CAVIN1: variants seen among roughly 807,000 people sequenced by gnomAD.
CAVIN1 encodes caveolae associated protein 1, also known as caveolae-associated protein 1.
A neutral mutation model predicts 24.0 loss-of-function variants in CAVIN1; 16 were observed. The ratio of observed to expected loss-of-function variants is 0.67; its 90% CI spans 0.45 to 1.01. The LOEUF (loss-of-function observed/expected upper bound fraction) is 1.01, where lower values mean the gene tolerates loss of function less well. Among genes scored for constraint, CAVIN1 ranks in the 50% least tolerant of loss-of-function variants. The pLI is 0.00. For synonymous variants in CAVIN1, 256 were observed against 256.4 expected, an observed-to-expected ratio of 1.00 and a Z score of 0.02; for missense variants, 510 against 551.7, an observed-to-expected ratio of 0.92 and a Z score of 0.76.
rs2085569338 is a variant in CAVIN1 at position 42,423,202 on chromosome 17, G to C, written c.-105C>G. The C allele has an allele frequency of 2.1e-6, 2 of 954,638 alleles. No individual in the cohort carries two copies. The highest frequency in any genetic ancestry group is 5.3e-5 in the East Asian group (2 of 37,968). 59.1% of individuals were successfully genotyped at this position (954,638 alleles called of 1,614,324 possible). A position where few individuals can be genotyped will look rare whatever the true frequency, so the allele number is the denominator to read the frequency against. On this transcript the variant is annotated 5_prime_UTR_variant, in exon 1 of 2. Coordinates refer to ENST00000357037, the MANE Select transcript of CAVIN1 (RefSeq NM_012232.6). Reference sequence around the variant, plus strand: ...GGAGGAGAGCTAGCGGGCGAGAGCGGAGAGCAGAGGAAACTCGAGCCACGT... The same window carrying C: ...GGAGGAGAGCTAGCGGGCGAGAGCGCAGAGCAGAGGAAACTCGAGCCACGT...
chr17:42,407,397 C>A (rs1639465889), intron 1 of CAVIN1, among the ~76,000 whole-genome samples: 1 of 152,120 alleles, frequency 6.6e-6, no homozygotes, highest in African/African-American at 2.4e-5. Flanking sequence ...CACACACACA[C>A]ACCCCTATAC....
At position 42,404,654 on chromosome 17, in the gene CAVIN1, G is replaced by T; in HGVS notation, c.*33C>A. 1.5e-6 allele frequency: 2 copies of T among 1,340,196 alleles called. No homozygotes were observed. Among genetic ancestry groups the T allele is most frequent in the Non-Finnish European group, 2.0e-6 (2 of 1,023,826 alleles). The allele number at this position is 1,340,196 out of a possible 1,614,324, so 83.0% of individuals were successfully genotyped here. A position where few individuals can be genotyped will look rare whatever the true frequency, so the allele number is the denominator to read the frequency against. On this transcript the variant is annotated 3_prime_UTR_variant, in exon 2 of 2. Transcript: ENST00000357037. ...ATGCGAAAGAGGAAGTTCGGAAGGA[G>T]CGAGGAATGGGGTGGGTGGCAGCGG...
chr17:42,413,565 GGAAAAAAA>G (rs1567779235), intron 1 of CAVIN1, among the ~76,000 whole-genome samples: 4 of 62,606 alleles, frequency 6.4e-5, no homozygotes, highest in South Asian at 1.0e-3. Flanking sequence ...TCTCAAAAAG[GGAAAAAAA>G]AAAAAAAAAA....
At chr17:42,417,207 A>G (rs2085517272) in intron 1 of CAVIN1, among the ~76,000 whole-genome samples, 1 of 152,162 alleles carries the variant, frequency 6.6e-6, no homozygotes, top group South Asian at 2.1e-4. Context: ...TAATCTTAGC[A>G]CTTTGGGAGG....
In CAVIN1 at chr17:42,404,492, G is replaced by A; in HGVS notation, c.*195C>T. ...CATTCCACTCGGACTGTGTCCAAGC[G>A]GGGGTTGTCCACTGCGGGGGCTGCC... On this transcript the variant is annotated 3_prime_UTR_variant, in exon 2 of 2. Coordinates refer to ENST00000357037, the MANE Select transcript of CAVIN1 (RefSeq NM_012232.6). 2 of 461,890 alleles carry A rather than the reference G, an allele frequency of 4.3e-6. No individual in the cohort carries two copies. The highest frequency in any genetic ancestry group is 3.3e-5 in the South Asian group (1 of 29,852). The allele number at this position is 461,890 out of a possible 1,614,324, so 28.6% of individuals were successfully genotyped here. A position where few individuals can be genotyped will look rare whatever the true frequency, so the allele number is the denominator to read the frequency against.
intron 1 of CAVIN1, among the ~76,000 whole-genome samples, chr17:42,418,309 G>A (rs1223319386): frequency 7.0e-6 from 1 of 142,144 alleles, no homozygotes; most frequent in Non-Finnish European, 1.5e-5. Flanking sequence ...TCGGCTCACC[G>A]CAACCTCTGC....
Position 42,423,249 on chromosome 17 carries a change from C to G in CAVIN1, c.-152G>C, listed in dbSNP as rs888212805. The G allele has an allele frequency of 2.0e-5, 13 of 653,990 alleles. No homozygotes were observed. The highest frequency in any genetic ancestry group is 7.3e-5 in the African/African-American group (4 of 54,742). The allele number at this position is 653,990 out of a possible 1,614,324, so 40.5% of individuals were successfully genotyped here. Reference sequence around the variant, plus strand: ...ACGTCCGTGCGCACCGGGACAGCGGCCAGAACTGCTGGGCGGGGGATCGGT... The same window carrying G: ...ACGTCCGTGCGCACCGGGACAGCGGGCAGAACTGCTGGGCGGGGGATCGGT... On this transcript the variant is annotated 5_prime_UTR_variant, in exon 1 of 2. Transcript: ENST00000357037.
At position 42,421,831 on chromosome 17, in the gene CAVIN1, G is replaced by A. The variant is rs2145488642; in HGVS notation, c.471+796C>T. Among the ~76,000 whole-genome samples the A allele has an allele frequency of 2.6e-5, 4 of 152,156 alleles. No homozygotes were observed. The South Asian group carries it at 8.3e-4, about 32-fold the overall frequency. On this transcript the variant is annotated intron_variant, in intron 1 of 1. Transcript: ENST00000357037. ...GGGTGATTCACCTCGCCCAGACTGC[G>A]CCCAGACCGCCGGACCCCGCAGGGG... is the stretch of plus-strand genomic sequence containing the variant.
chr17:42,406,566 G>A (rs993317849), intron 1 of CAVIN1, among the ~76,000 whole-genome samples: 2 of 151,768 alleles, frequency 1.3e-5, no homozygotes, highest in South Asian at 4.2e-4. Context: ...TAGTAGACTC[G>A]GGGTTTCACC....
At chr17:42,420,315 C>T (rs2085537782) in intron 1 of CAVIN1, among the ~76,000 whole-genome samples, 1 of 152,194 alleles carries the variant, frequency 6.6e-6, no homozygotes, top group Non-Finnish European at 1.5e-5. Context: ...TTTTTACCTC[C>T]TTCCCTTCTC....
chr17:42,402,913 T>C lies in CAVIN1; in HGVS notation c.*1774A>G, dbSNP rs983648153. ...CAAGGGGACTCGTGTCTTGAGAACC[T>C]GGTCGTGTCTTGAGAACCCAGTCCA... On this transcript the variant is annotated 3_prime_UTR_variant, in exon 2 of 2. Transcript: ENST00000357037. 3.9e-5 allele frequency: 6 copies of C among 152,160 alleles called. No individual in the cohort carries two copies. The highest frequency in any genetic ancestry group is 1.4e-4 in the African/African-American group (6 of 41,420). The allele number at this position is 152,160 out of a possible 1,614,324, so 9.4% of individuals were successfully genotyped here.
At chr17:42,420,951 G>A (rs568906190) in intron 1 of CAVIN1, among the ~76,000 whole-genome samples, 105 of 152,222 alleles carry the variant, frequency 6.9e-4, no homozygotes, top group African/African-American at 2.5e-3. Context: ...AATGTCCCCA[G>A]TACTAAGCAG....
At position 42,403,340 on chromosome 17, in the gene CAVIN1, C is replaced by A. The variant is rs150266722; in HGVS notation, c.*1347G>T. 1 of 152,694 alleles carries A rather than the reference C, an allele frequency of 6.5e-6. No homozygotes were observed. Among genetic ancestry groups the A allele is most frequent in the Non-Finnish European group, 1.5e-5 (1 of 68,154 alleles). The allele number at this position is 152,694 out of a possible 1,614,324, so 9.5% of individuals were successfully genotyped here. ...CTCAACTTGGTGGCAGGGCCGGCAC[C>A]CTGCTCTCCCTCCTAACTCCCAGCC... On this transcript the variant is annotated 3_prime_UTR_variant, in exon 2 of 2. Transcript: ENST00000357037.
chr17:42,421,743 G>T (rs1025746061), intron 1 of CAVIN1, among the ~76,000 whole-genome samples: 1 of 152,140 alleles, frequency 6.6e-6, no homozygotes, highest in Admixed American at 6.5e-5. Flanking sequence ...CGGGGGGTGG[G>T]GGCGCCAGCC....
chr17:42,423,238 C>G lies in CAVIN1; in HGVS notation c.-141G>C. The G allele has an allele frequency of 2.9e-6, 2 of 690,064 alleles. No homozygotes were observed. The highest frequency in any genetic ancestry group is 2.9e-5 in the Admixed American group (1 of 34,056). 42.7% of individuals were successfully genotyped at this position (690,064 alleles called of 1,614,324 possible). On this transcript the variant is annotated 5_prime_UTR_variant, in exon 1 of 2. Coordinates refer to ENST00000357037, the MANE Select transcript of CAVIN1 (RefSeq NM_012232.6). ...AAACTCGAGCCACGTCCGTGCGCAC[C>G]GGGACAGCGGCCAGAACTGCTGGGC...
intron 1 of CAVIN1, chr17:42,412,378 G>T: frequency 1.8e-6 from 1 of 550,286 alleles, no homozygotes; most frequent in Non-Finnish European, 2.3e-6. Context: ...TATTAGGATG[G>T]AAATAAACCA....
intron 1 of CAVIN1, chr17:42,412,189 AG>A: frequency 1.0e-6 from 1 of 985,222 alleles, no homozygotes; most frequent in Non-Finnish European, 1.2e-6. Context: ...AGTCTCAGGC[AG>A]GTCAAAAGGC....
Position 42,422,736 on chromosome 17 carries a change from A to T in CAVIN1, c.362T>A (p.Val121Glu), listed in dbSNP as rs759755120. 1.2e-6 allele frequency: 2 copies of T among 1,611,108 alleles called. No individual in the cohort carries two copies. Among genetic ancestry groups the T allele is most frequent in the African/African-American group, 2.7e-5 (2 of 74,840 alleles). ...CTCCAGGCTGCCGCGCACGGTCTTC[A>T]CGTTGACGCTGACCTTGCGCACCTT... ...LEKVRKVSVN[V>E]KTVRGSLERQ... Residue 121 changes from valine to glutamate, a missense_variant, in exon 1 of 2, where the codon GTG becomes GAG. By Grantham distance (121) the Val-to-Glu change is moderately radical (BLOSUM62 -2). Transcript: ENST00000357037.
chr17:42,421,098 G>A (rs2085542360), intron 1 of CAVIN1, among the ~76,000 whole-genome samples: 1 of 152,122 alleles, frequency 6.6e-6, no homozygotes, highest in Non-Finnish European at 1.5e-5. Context: ...TAAAAGCCAC[G>A]TATATGCCTC....
Sources: gnomAD v4.1 joint callset for allele counts (sites outside exome capture counted in the v4.1 genomes callset) on GRCh38, gnomAD v4.1.1 for gene constraint, MANE v1.5 for transcripts, NCBI Gene and HGNC (gene_info 2026-07-23, HGNC 2026-07-21) for gene names.